Variants in KLHL21 observed in about 807,000 individuals in gnomAD.
KLHL21 encodes the protein kelch-like protein 21.
Under a neutral mutation model 44.1 loss-of-function variants are expected in KLHL21, and 42 were observed. That is an observed-to-expected ratio of 0.95 (90% confidence interval 0.74 to 1.23). KLHL21 has a LOEUF of 1.23. Ranked by LOEUF, KLHL21 falls within the 50% of genes most tolerant of loss-of-function variation. The pLI, the probability that KLHL21 is intolerant of heterozygous loss-of-function variation, is 0.00. For missense variants in KLHL21, 918 were observed against 889.1 expected (o/e 1.03, Z -0.41); for synonymous variants, 524 against 411.6 (o/e 1.27, Z -3.31).
At position 6,602,163 on chromosome 1, in the gene KLHL21, G is replaced by T. The variant is rs1297201921; in HGVS notation, c.655C>A (p.Gln219Lys). Residue 219 changes from glutamine to lysine, a missense_variant, in exon 1 of 4, where the codon CAG becomes AAG. Coordinates refer to ENST00000377658, the MANE Select transcript of KLHL21 (RefSeq NM_014851.4). ...GGCAGGCGCACGGCCTCCAGCAGCT[G>T]CGGCCAGTGCGCGGCGCGGCGCGGC... is the stretch of plus-strand genomic sequence containing the variant. ...DPPRRAAHWP[Q>K]LLEAVRLPFV... 2.8e-6 allele frequency: 4 copies of T among 1,426,616 alleles called. No homozygotes were observed. The East Asian group carries it at 1.2e-4, about 42-fold the overall frequency. The allele number at this position is 1,426,616 out of a possible 1,614,324, so 88.4% of individuals were successfully genotyped here. A position where few individuals can be genotyped will look rare whatever the true frequency, so the allele number is the denominator to read the frequency against.
chr1:6,598,709 C>T (rs1640963449), intron 2 of KLHL21, among the ~76,000 whole-genome samples: 1 of 151,340 alleles, frequency 6.6e-6, no homozygotes, highest in South Asian at 2.1e-4. Flanking sequence ...GGTGAAACCC[C>T]GTCTCTACAA....
Position 6,602,334 on chromosome 1 carries a change from G to T in KLHL21, c.484C>A (p.Leu162Met), listed in dbSNP as rs550410842. ...GCGCCCAGCTCGCCCACGTGGCGCA[G>T]AATGAACCGCTGCGCCGCGCTCGCC... ...GLASAAQRFI[L>M]RHVGELGAEQ... Residue 162 changes from leucine (L) to methionine (M), a missense_variant, in exon 1 of 4, where the codon CTG becomes ATG. By Grantham distance (15) the Leu-to-Met change is conservative (BLOSUM62 2). Coordinates refer to ENST00000377658, the MANE Select transcript of KLHL21 (RefSeq NM_014851.4). The T allele has an allele frequency of 1.3e-6, 2 of 1,557,968 alleles. No individual in the cohort carries two copies. Among genetic ancestry groups the T allele is most frequent in the Non-Finnish European group, 1.7e-6 (2 of 1,157,588 alleles).
At position 6,599,206 on chromosome 1, in the gene KLHL21, C is replaced by T. The variant is rs747576093; in HGVS notation, c.1268G>A (p.Arg423Gln). The change falls in exon 2 of 4, where the codon CGG (arginine) becomes CAG (glutamine). Residue 423 changes from arginine (R) to glutamine (Q), a missense_variant. Physicochemically the swap from Arg to Gln is conservative, Grantham distance 43 (BLOSUM62 1). Transcript: ENST00000377658. Reference sequence around the variant, plus strand: ...AGCCAGGGAGCCGATGGCATAGAGCCGGCCACGGCACGCAGTGGTGGAGCA... The same window carrying T: ...AGCCAGGGAGCCGATGGCATAGAGCTGGCCACGGCACGCAGTGGTGGAGCA... ...DNCSTTACRGRLYAIGSLAGK... is the reference protein window; with the variant it reads ...DNCSTTACRGQLYAIGSLAGK... 5.7e-5 allele frequency: 92 copies of T among 1,614,136 alleles called. 1 individual carries two copies. In the South Asian group the frequency reaches 8.5e-4, roughly 15 times the overall value.
At chr1:6,593,691 A>G (rs1239257180) in intron 3 of KLHL21, 33 bp from the exon 4 acceptor site, 3 of 1,540,288 alleles carry the variant, frequency 1.9e-6, no homozygotes, top group Non-Finnish European at 1.8e-6. Context: ...AGTGGAGGTC[A>G]GAGGAGAGGG....
At position 6,602,036 on chromosome 1, in the gene KLHL21, T is replaced by A; in HGVS notation, c.782A>T (p.Gln261Leu). 6.5e-7 allele frequency: 1 copy of A among 1,527,806 alleles called. No homozygotes were observed. The highest frequency in any genetic ancestry group is 1.2e-5 in the South Asian group (1 of 82,162). The allele number at this position is 1,527,806 out of a possible 1,614,324, so 94.6% of individuals were successfully genotyped here. ...LRLLREARDF[Q>L]AARYDRHDRG... ...GTCGTGGCGGTCGTAGCGCGCCGCC[T>A]GGAAGTCGCGCGCCTCGCGCAGCAG... The change falls in exon 1 of 4, where the codon CAG becomes CTG. Residue 261 changes from glutamine to leucine, a missense_variant. Transcript: ENST00000377658.
At chr1:6,596,112 G>A (rs1477317199) in intron 2 of KLHL21, among the ~76,000 whole-genome samples, 1 of 152,250 alleles carries the variant, frequency 6.6e-6, no homozygotes, top group Admixed American at 6.5e-5. Flanking sequence ...GAAAAGCAAA[G>A]ATGCAGGCCA....
At position 6,595,525 on chromosome 1, in the gene KLHL21, G is replaced by A. The variant is rs1003217022; in HGVS notation, c.1460C>T (p.Pro487Leu). ...GATCTTGTCCCATTCGTTCCTCGTC[G>A]GGTTGTACACGTCCACCTCAGCGGA... ...DDSAEVDVYN[P>L]TRNEWDKIPS... Residue 487 changes from proline (P) to leucine (L), a missense_variant, in exon 3 of 4, where the codon CCG becomes CTG. Physicochemically the swap from Pro to Leu is moderately conservative, Grantham distance 98 (BLOSUM62 -3). Coordinates refer to ENST00000377658, the MANE Select transcript of KLHL21 (RefSeq NM_014851.4). 1.1e-5 allele frequency: 17 copies of A among 1,613,968 alleles called. No homozygotes were observed. The highest frequency in any genetic ancestry group is 5.0e-5 in the Admixed American group (3 of 59,986).
chr1:6,598,419 A>T (rs950114998), intron 2 of KLHL21, among the ~76,000 whole-genome samples: 1 of 151,978 alleles, frequency 6.6e-6, no homozygotes, highest in Non-Finnish European at 1.5e-5. Context: ...AAAATATAAA[A>T]ATCAGCCAGG....
chr1:6,602,701 C>T lies in KLHL21; in HGVS notation c.117G>A (p.Leu39=). The change falls in exon 1 of 4, where the codon CTG becomes CTA. Residue 39 remains leucine (L), a synonymous_variant. Transcript: ENST00000377658. ...RAERKFLDVT[L]EAAGGRDFPA... ...GGAAGTCGCGCCCGCCCGCCGCCTC[C>T]AGGGTCACGTCCAGGAACTTGCGCT... The T allele has an allele frequency of 1.3e-6, 2 of 1,514,472 alleles. No homozygotes were observed. The highest frequency in any genetic ancestry group is 1.8e-6 in the Non-Finnish European group (2 of 1,138,724). 93.8% of individuals were successfully genotyped at this position (1,514,472 alleles called of 1,614,324 possible).
rs1325418322 is a variant in KLHL21, at chr1:6,599,284, T to G, written c.1190A>C (p.His397Pro). The stretch of plus-strand genomic sequence containing the variant: ...CAGGGCCTCCCAGGAGTCAGTGGTG[T>G]GGTCATAGCGCTCGGTGCTGTCGGC... Reference protein sequence around the residue: ...VAADSTERYDHTTDSWEALQP... With the variant: ...VAADSTERYDPTTDSWEALQP... Residue 397 changes from histidine (H) to proline (P), a missense_variant, in exon 2 of 4, where the codon CAC becomes CCC. His to Pro is a moderately conservative substitution (Grantham distance 77, BLOSUM62 -2). Transcript: ENST00000377658. The G allele has an allele frequency of 7.4e-6, 12 of 1,613,874 alleles. No homozygotes were observed. Among genetic ancestry groups the G allele is most frequent in the Non-Finnish European group, 1.0e-5 (12 of 1,180,034 alleles).
chr1:6,602,659 C>A lies in KLHL21; in HGVS notation c.159G>T (p.Val53=). The A allele has an allele frequency of 1.3e-6, 2 of 1,512,332 alleles. No individual in the cohort carries two copies. Among genetic ancestry groups the A allele is most frequent in the South Asian group, 1.2e-5 (1 of 80,992 alleles). The allele number at this position is 1,512,332 out of a possible 1,614,324, so 93.7% of individuals were successfully genotyped here. A position where few individuals can be genotyped will look rare whatever the true frequency, so the allele number is the denominator to read the frequency against. Residue 53 remains valine (V), a synonymous_variant, in exon 1 of 4, where the codon GTG becomes GTT. Coordinates refer to ENST00000377658, the MANE Select transcript of KLHL21 (RefSeq NM_014851.4). ...GGAAGTAGGGGCTGGCGGCGGCCAG[C>A]ACCGCACGGTGCGCCGGGAAGTCGC... ...GGRDFPAHRA[V]LAAASPYFRA...
rs1557432671 is a variant in KLHL21 at position 6,595,474 on chromosome 1, T to C, written c.1500+11A>G. ...CCTGTGCTTCCAATGCTGGCCCGCC[T>C]GAAAATTTACCTGATTCATGGACGG... On this transcript the variant is annotated intron_variant, in intron 3 of 3. Transcript: ENST00000377658. 10 of 1,613,778 alleles carry C rather than the reference T, an allele frequency of 6.2e-6. No homozygotes were observed. The highest frequency in any genetic ancestry group is 1.6e-4 in the Middle Eastern group (1 of 6,084).
intron 3 of KLHL21, 159 bp from the exon 4 acceptor site, chr1:6,593,817 C>A (rs1483077519): frequency 2.9e-6 from 4 of 1,370,908 alleles, no homozygotes; most frequent in Admixed American, 6.0e-5. Context: ...CTTTCCAACA[C>A]CCTGCCTAGG....
chr1:6,600,814 G>A (rs1327393211), intron 1 of KLHL21, among the ~76,000 whole-genome samples: 2 of 152,340 alleles, frequency 1.3e-5, no homozygotes, highest in East Asian at 3.9e-4. Flanking sequence ...ACCTTGGATT[G>A]GAAAGAGGCA....
chr1:6,597,902 C>T (rs1640948935), intron 2 of KLHL21, among the ~76,000 whole-genome samples: 2 of 152,220 alleles, frequency 1.3e-5, no homozygotes, highest in Admixed American at 1.3e-4. Flanking sequence ...GGGGCTGCCC[C>T]GTGCCATCAT....
At chr1:6,600,668 G>A (rs1641003485) in intron 1 of KLHL21, among the ~76,000 whole-genome samples, 1 of 152,270 alleles carries the variant, frequency 6.6e-6, no homozygotes, top group South Asian at 2.1e-4. Context: ...TAACTGCTCT[G>A]CTGGGACATT....
rs372833088 is a variant in KLHL21, at chr1:6,602,371, G to T, written c.447C>A (p.Ser149Arg). The T allele has an allele frequency of 9.8e-5, 156 of 1,584,858 alleles. No homozygotes were observed. Among genetic ancestry groups the T allele is most frequent in the Non-Finnish European group, 1.3e-4 (148 of 1,169,888 alleles). The stretch of plus-strand genomic sequence containing the variant: ...GCGCCGCGCTCGCCAGTCCCGAGCA[G>T]CTGAAGGCCTCAGCGAAGTCCTGCA... ...LDMQDFAEAF[S>R]CSGLASAAQR... The change falls in exon 1 of 4, where the codon AGC (serine) becomes AGA (arginine). Residue 149 changes from serine to arginine, a missense_variant. Physicochemically the swap from Ser to Arg is moderately radical, Grantham distance 110. Coordinates refer to ENST00000377658, the MANE Select transcript of KLHL21 (RefSeq NM_014851.4).
rs1640871325 is a variant in KLHL21 at position 6,592,866 on chromosome 1, A to T, written c.*499T>A. 6.4e-6 allele frequency: 1 copy of T among 155,490 alleles called. No homozygotes were observed. The highest frequency in any genetic ancestry group is 1.4e-5 in the Non-Finnish European group (1 of 70,132). 9.6% of individuals were successfully genotyped at this position (155,490 alleles called of 1,614,324 possible). A position where few individuals can be genotyped will look rare whatever the true frequency, so the allele number is the denominator to read the frequency against. ...ATGTAAGCCCCTGGCAGGGGCCAGG[A>T]GCTAGGGAGGCAGGCTCCCCACACC... On this transcript the variant is annotated 3_prime_UTR_variant, in exon 4 of 4. Coordinates refer to ENST00000377658, the MANE Select transcript of KLHL21 (RefSeq NM_014851.4).
chr1:6,599,578 G>A (rs1047099570), intron 1 of KLHL21, 126 bp from the exon 2 acceptor site: 9 of 994,266 alleles, frequency 9.1e-6, no homozygotes, highest in African/African-American at 8.1e-5. Context: ...CACCCCAGAC[G>A]CACACCCTCT....
Sources: gnomAD v4.1 joint callset for allele counts (sites outside exome capture counted in the v4.1 genomes callset) on GRCh38, gnomAD v4.1.1 for gene constraint, MANE v1.5 for transcripts, NCBI Gene and HGNC (gene_info 2026-07-23, HGNC 2026-07-21) for gene names.